The following WWOX variants were observed in gnomAD, a reference collection of about 807,000 sequenced individuals.
WWOX encodes WW domain containing oxidoreductase, also known as WW domain-containing oxidoreductase.
WWOX carries 69 observed loss-of-function variants against 46.2 expected under a neutral mutation model. That is an observed-to-expected ratio of 1.49 (90% confidence interval 1.23 to 1.82). The LOEUF is 1.82. WWOX is among the 40% of genes most tolerant of loss of function. The pLI is 0.00. For missense variants in WWOX, 919 were observed against 542.6 expected (o/e 1.69, Z -6.89); for synonymous variants, 359 against 202.6 (o/e 1.77, Z -6.56).
At chr16:78,977,976 C>CAGCT (rs1555506227) in intron 8 of WWOX, among the ~76,000 whole-genome samples, 1 of 151,700 alleles carries the variant, frequency 6.6e-6, no homozygotes, top group African/African-American at 2.4e-5. Flanking sequence ...GTAAATACCG[C>CAGCT]ATCTATTTCC....
intron 5 of WWOX, among the ~76,000 whole-genome samples, chr16:78,203,744 A>G (rs182191626): frequency 6.6e-6 from 1 of 152,244 alleles, no homozygotes; most frequent in Admixed American, 6.5e-5. Flanking sequence ...AATGAGGCTC[A>G]ATGTTCAAGA....
At chr16:78,981,732 C>T (rs1200872475) in intron 8 of WWOX, 1 of 152,168 alleles carries the variant, frequency 6.6e-6, no homozygotes, top group African/African-American at 2.4e-5. Flanking sequence ...CAGCTTGGAG[C>T]ATCTTAATTT....
chr16:78,925,494 C>G (rs2151274652), intron 8 of WWOX, among the ~76,000 whole-genome samples: 1 of 152,292 alleles, frequency 6.6e-6, no homozygotes, highest in South Asian at 2.1e-4. Context: ...CTTTAAGTTC[C>G]CAGCGTCTTA....
At chr16:78,999,331 G>A (rs1481021778) in intron 8 of WWOX, among the ~76,000 whole-genome samples, 6 of 152,176 alleles carry the variant, frequency 3.9e-5, no homozygotes, top group East Asian at 1.9e-4. Context: ...TTAGCCAGGC[G>A]TAGTGGCACA....
chr16:78,314,250 C>G (rs1298975556), intron 5 of WWOX, among the ~76,000 whole-genome samples: 2 of 150,882 alleles, frequency 1.3e-5, no homozygotes, highest in Non-Finnish European at 3.0e-5. Flanking sequence ...ACTAAAAATA[C>G]AAAAAAAATT....
intron 8 of WWOX, among the ~76,000 whole-genome samples, chr16:78,797,744 T>A (rs1018719510): frequency 6.6e-6 from 1 of 152,098 alleles, no homozygotes; most frequent in Non-Finnish European, 1.5e-5. Flanking sequence ...TCCCAGCACT[T>A]TGGGAGGTCG....
At chr16:78,415,899 G>C (rs995736304) in intron 6 of WWOX, among the ~76,000 whole-genome samples, 1 of 152,160 alleles carries the variant, frequency 6.6e-6, no homozygotes, top group Non-Finnish European at 1.5e-5. Context: ...TGAAGGGGTT[G>C]CTGGTTTGTA....
intron 8 of WWOX, among the ~76,000 whole-genome samples, chr16:78,716,037 TATC>T (rs1318655101): frequency 6.6e-6 from 1 of 151,844 alleles, no homozygotes; most frequent in Admixed American, 6.6e-5. Flanking sequence ...TGATAATCAT[TATC>T]ATCAAGAGGA....
intron 8 of WWOX, among the ~76,000 whole-genome samples, chr16:78,997,589 T>C (rs1010067958): frequency 6.6e-6 from 1 of 152,158 alleles, no homozygotes; most frequent in Non-Finnish European, 1.5e-5. Flanking sequence ...AAATTGACGC[T>C]CGTGTCACTG....
At chr16:78,934,391 C>A (rs965255537) in intron 8 of WWOX, among the ~76,000 whole-genome samples, 1 of 147,154 alleles carries the variant, frequency 6.8e-6, no homozygotes, top group East Asian at 2.0e-4. Context: ...TACCTGTAGT[C>A]CTAGCTACTT....
At chr16:78,482,905 G>T (rs1207848469) in intron 8 of WWOX, among the ~76,000 whole-genome samples, 2 of 152,146 alleles carry the variant, frequency 1.3e-5, no homozygotes, top group Admixed American at 6.5e-5. Context: ...TAAAAGGCAT[G>T]AAAAAGAAAC....
At chr16:79,024,241 G>A (rs966724036) in intron 8 of WWOX, among the ~76,000 whole-genome samples, 2 of 152,126 alleles carry the variant, frequency 1.3e-5, no homozygotes, top group Admixed American at 1.3e-4. Flanking sequence ...TTAAGTGGGT[G>A]AATTTTATTT....
At chr16:78,266,564 A>T (rs1004785655) in intron 5 of WWOX, among the ~76,000 whole-genome samples, 1 of 152,172 alleles carries the variant, frequency 6.6e-6, no homozygotes, top group African/African-American at 2.4e-5. Context: ...CTCTGGAACT[A>T]GCCTGCTTGA....
chr16:78,770,529 C>T (rs1330346052), intron 8 of WWOX, among the ~76,000 whole-genome samples: 1 of 152,084 alleles, frequency 6.6e-6, no homozygotes, highest in African/African-American at 2.4e-5. Flanking sequence ...TCACTGAAGC[C>T]CCCATAAAGG....
intron 4 of WWOX, chr16:78,123,964 G>A (rs1222997779): frequency 3.3e-5 from 5 of 152,138 alleles, no homozygotes; most frequent in Admixed American, 2.0e-4. Context: ...CAGATAGCCA[G>A]TGTTCTCCAT....
chr16:79,038,102 A>T (rs1294686797), intron 8 of WWOX, among the ~76,000 whole-genome samples: 1 of 152,088 alleles, frequency 6.6e-6, no homozygotes, highest in Non-Finnish European at 1.5e-5. Flanking sequence ...AGCAGTTGGG[A>T]GAGTGCAGGA....
chr16:78,937,448 CTTT>C (rs537642648), intron 8 of WWOX, among the ~76,000 whole-genome samples: 22,651 of 81,144 alleles, frequency 0.28, 2,586 homozygotes, highest in Middle Eastern at 0.41. Context: ...TTTGTATTAA[CTTT>C]TTTTTTTTTT....
Position 78,937,448 on chromosome 16 carries a change from C to CTTTTTTTT in WWOX, c.1057-274141_1057-274134dup, listed in dbSNP as rs537642648. Among the ~76,000 whole-genome samples, 21 of 81,990 alleles carry CTTTTTTTT rather than the reference C, an allele frequency of 2.6e-4. 2 individuals are homozygous for CTTTTTTTT. The highest frequency in any genetic ancestry group is 2.9e-4 in the Non-Finnish European group (13 of 44,970). 53.8% of individuals were successfully genotyped at this position (81,990 alleles called of 152,430 possible). On this transcript the variant is annotated intron_variant, in intron 8 of 8. Transcript: ENST00000566780. ...TTAGAGAACTTTGTATTTGTATTAA[C>CTTTTTTTT]TTTTTTTTTTTTTTTTTTTTTTTTT...
chr16:78,633,834 C>G (rs1289051128), intron 8 of WWOX, among the ~76,000 whole-genome samples: 2 of 152,034 alleles, frequency 1.3e-5, no homozygotes, highest in East Asian at 3.9e-4. Context: ...GGATTGGGAC[C>G]TGTTTTCCTT....
Sources: allele counts gnomAD v4.1 joint callset (sites outside exome capture counted in the v4.1 genomes callset), GRCh38; gene constraint gnomAD v4.1.1; transcripts MANE v1.5; gene names NCBI Gene and HGNC (gene_info 2026-07-23, HGNC 2026-07-21).